The following ELN variants were observed in gnomAD, a reference collection of about 807,000 sequenced individuals.
The protein encoded by ELN is tropoelastin.
ELN carries 65 observed loss-of-function variants against 105.8 expected under a neutral mutation model. The ratio of observed to expected loss-of-function variants is 0.61; its 90% CI spans 0.50 to 0.75. The LOEUF (loss-of-function observed/expected upper bound fraction) is 0.75, where lower values mean the gene tolerates loss of function less well. Ranked by LOEUF, ELN falls within the 30% of genes least tolerant of loss-of-function variation. The probability of loss-of-function intolerance (pLI) is 0.00; values close to 1 mark genes in which losing one functional copy is unlikely to be tolerated. For missense variants in ELN, 882 were observed against 969.4 expected (o/e 0.91, Z 1.20); for synonymous variants, 368 against 389.2 (o/e 0.95, Z 0.64).
At chr7:74,037,868 G>A in intron 4 of ELN, 129 bp downstream of exon 4, 1 of 1,401,858 alleles carries the variant, frequency 7.1e-7, no homozygotes, top group African/African-American at 1.4e-5. Flanking sequence ...AGGAAGGAGG[G>A]AGGTGTGGAC....
chr7:74,035,305 T>C, intron 1 of ELN, 59 bp from the exon 2 acceptor site: 1 of 1,600,454 alleles, frequency 6.2e-7, no homozygotes, highest in East Asian at 2.2e-5. Flanking sequence ...CGCAGTTACT[T>C]TTGCACCAGC....
rs1554670362 is a variant in ELN, at chr7:74,043,879, G to T, written c.428G>T (p.Gly143Val). ...GAGVKPGKVP[G>V]VGLPGVYPGG... ...TAACTTTGCTTTCTTTTGGCCACAG[G>T]TGTGGGGCTGCCAGGTGTATACCCA... The change falls in exon 9 of 33, where the codon GGT becomes GTT. Residue 143 changes from glycine to valine, a missense_variant and splice_region_variant. Coordinates refer to ENST00000252034, the MANE Select transcript of ELN (RefSeq NM_000501.4). The T allele has an allele frequency of 2.5e-6, 4 of 1,614,104 alleles. 1 individual carries two copies. Among genetic ancestry groups the T allele is most frequent in the Middle Eastern group, 3.3e-4 (2 of 6,062 alleles).
chr7:74,042,819 C>T, intron 6 of ELN, 113 bp downstream of exon 6: 2 of 1,527,544 alleles, frequency 1.3e-6, no homozygotes, highest in South Asian at 1.2e-5. Context: ...GTGGGATTGT[C>T]AGTTGCAATC....
At chr7:74,056,979 T>C (rs1260956325) in intron 21 of ELN, among the ~76,000 whole-genome samples, 6 of 151,708 alleles carry the variant, frequency 4.0e-5, no homozygotes, top group African/African-American at 1.5e-4. Flanking sequence ...GGCTGATGCC[T>C]GTAATCCCAG....
At chr7:74,060,316 G>C (rs782191341) in intron 24 of ELN, 60 bp from the exon 25 acceptor site, 2 of 1,614,072 alleles carry the variant, frequency 1.2e-6, no homozygotes, top group Admixed American at 3.3e-5. Context: ...CCCTGGGCAG[G>C]ACACCTCCTT....
At chr7:74,064,449 T>A (rs1554687770) in intron 29 of ELN, among the ~76,000 whole-genome samples, 1 of 146,070 alleles carries the variant, frequency 6.8e-6, no homozygotes, top group Non-Finnish European at 1.5e-5. Flanking sequence ...TATATATGTA[T>A]GTATGTATGT....
At chr7:74,052,132 C>G in intron 17 of ELN, 149 bp downstream of exon 17, 1 of 852,234 alleles carries the variant, frequency 1.2e-6, no homozygotes, top group Non-Finnish European at 1.8e-6. Context: ...TCTGATCACT[C>G]TACCTGAGAT....
chr7:74,044,964 G>C (rs1158808449), intron 9 of ELN, among the ~76,000 whole-genome samples: 1 of 152,150 alleles, frequency 6.6e-6, no homozygotes, highest in Non-Finnish European at 1.5e-5. Context: ...ATTAACTCCA[G>C]CATAGAGATG....
chr7:74,060,413 T>G lies in ELN; in HGVS notation c.1659T>G (p.Leu553=). The G allele has an allele frequency of 6.2e-7, 1 of 1,614,046 alleles. No homozygotes were observed. The highest frequency in any genetic ancestry group is 8.5e-7 in the Non-Finnish European group (1 of 1,179,980). ...GGCTTGGTGCTGGCATCCCTGGACT[T>G]GGAGTTGGTGTCGGCGTCCCTGGAC... ...AAGLGAGIPG[L]GVGVGVPGLG... is the part of the protein sequence containing the mutation. Residue 553 remains leucine, a synonymous_variant, in exon 25 of 33, where the codon CTT becomes CTG. Transcript: ENST00000252034.
At chr7:74,033,752 G>A (rs148202606) in intron 1 of ELN, among the ~76,000 whole-genome samples, 5 of 152,318 alleles carry the variant, frequency 3.3e-5, no homozygotes, top group African/African-American at 7.2e-5. Flanking sequence ...GTCTGGCCGC[G>A]AGGCCTCCCT....
rs1554671404 is a variant in ELN at position 74,045,239 on chromosome 7, G to A, written c.487G>A (p.Val163Met). ...CCCGGCAGGAGCTCGGTTCCCCGGT[G>A]TGGGGGTGCTCCCTGGAGTTCCCAC... is the stretch of plus-strand genomic sequence containing the variant. The part of the protein sequence containing the change: ...GVLPGARFPG[V>M]GVLPGVPTGA... The change falls in exon 10 of 33, where the codon GTG becomes ATG. Residue 163 changes from valine (V) to methionine (M), a missense_variant. Physicochemically the swap from Val to Met is conservative, Grantham distance 21. Transcript: ENST00000252034. The A allele has an allele frequency of 1.2e-6, 2 of 1,614,164 alleles. No individual in the cohort carries two copies. Among genetic ancestry groups the A allele is most frequent in the Admixed American group, 1.7e-5 (1 of 60,030 alleles).
At position 74,068,933 on chromosome 7, in the gene ELN, C is replaced by T. The variant is rs1584079812; in HGVS notation, c.*233C>T. The T allele has an allele frequency of 2.1e-5, 12 of 584,436 alleles. No individual in the cohort carries two copies. The East Asian group carries it at 3.5e-4, about 17-fold the overall frequency. 36.2% of individuals were successfully genotyped at this position (584,436 alleles called of 1,614,324 possible). ...AGGCAAGGGCCATGTGGTCCTGGCC[C>T]CCCACCCCATCCCTTCCCACCTAGG... On this transcript the variant is annotated 3_prime_UTR_variant, in exon 33 of 33. Coordinates refer to ENST00000252034, the MANE Select transcript of ELN (RefSeq NM_000501.4).
In ELN at chr7:74,035,389, A is replaced by C. The variant is rs1243160467; in HGVS notation, c.108A>C (p.Gly36=). The change falls in exon 2 of 33, where the codon GGA becomes GGC. Residue 36 remains glycine, a synonymous_variant. Coordinates refer to ENST00000252034, the MANE Select transcript of ELN (RefSeq NM_000501.4). ...PGGVPGAIPG[G]VPGGVFYPGA... The stretch of plus-strand genomic sequence containing the variant: ...GGGTCCCTGGGGCCATTCCTGGTGG[A>C]GTTCCTGGAGGAGTCTTTTATCCAG... 1.2e-6 allele frequency: 2 copies of C among 1,614,110 alleles called. No homozygotes were observed. The highest frequency in any genetic ancestry group is 8.5e-7 in the Non-Finnish European group (1 of 1,180,006).
At chr7:74,043,743 G>A (rs367932101) in intron 8 of ELN, 136 bp from the exon 9 acceptor site, 8 of 1,144,388 alleles carry the variant, frequency 7.0e-6, no homozygotes, top group Admixed American at 5.9e-5. Context: ...GCCACCCCAC[G>A]TCTGTCCCTG....
intron 26 of ELN, among the ~76,000 whole-genome samples, chr7:74,061,796 C>T (rs1214702832): frequency 6.6e-6 from 1 of 152,138 alleles, no homozygotes; most frequent in African/African-American, 2.4e-5. Context: ...CCCAGTTGCC[C>T]CCCAGGAGGC....
rs1563852782 is a variant in ELN, at chr7:74,059,955, T to A, written c.1484T>A (p.Val495Asp). The A allele has an allele frequency of 6.2e-7, 1 of 1,610,464 alleles. No individual in the cohort carries two copies. The change falls in exon 23 of 33, where the codon GTT (valine) becomes GAT (aspartate). Residue 495 changes from valine to aspartate, a missense_variant. Physicochemically the swap from Val to Asp is radical, Grantham distance 152 (BLOSUM62 -3). Coordinates refer to ENST00000252034, the MANE Select transcript of ELN (RefSeq NM_000501.4). ...CCTGGTGTCGGTGTGGCTCCTGGAG[T>A]TGGCTTGGCTCCTGGAGTTGGCGTG... is the stretch of plus-strand genomic sequence containing the variant. ...VAPGVGVAPG[V>D]GLAPGVGVAP...
chr7:74,046,334 G>C, intron 11 of ELN, 117 bp downstream of exon 11: 1 of 1,456,156 alleles, frequency 6.9e-7, no homozygotes, highest in South Asian at 1.1e-5. Flanking sequence ...CACGCCTGCA[G>C]AGCCAGGTCT....
chr7:74,063,781 G>C lies in ELN; in HGVS notation c.1993+86G>C, dbSNP rs1003967152. 9.5e-6 allele frequency: 15 copies of C among 1,577,910 alleles called. No homozygotes were observed. The highest frequency in any genetic ancestry group is 3.3e-4 in the Middle Eastern group (2 of 5,994). ...GACAGAGACAGAGACAGAGACTTTC[G>C]TTCCCACCCCTGGCACGTCTTTGCT... On this transcript the variant is annotated intron_variant, in intron 29 of 32. Coordinates refer to ENST00000252034, the MANE Select transcript of ELN (RefSeq NM_000501.4). The surrounding 1 kb of genome is among the most constrained non-coding windows in gnomAD (Gnocchi z 4.1).
In ELN at chr7:74,056,288, G is replaced by A. The variant is rs372889752; in HGVS notation, c.1168G>A (p.Gly390Arg). Reference sequence around the variant, plus strand: ...CTCTGCAGGGGCCAGGCCCGGAGTCGGAGTTGGAGGCATTCCTACTTACGG... The same window carrying A: ...CTCTGCAGGGGCCAGGCCCGGAGTCAGAGTTGGAGGCATTCCTACTTACGG... The part of the protein sequence containing the change: ...AAKYGARPGV[G>R]VGGIPTYGVG... The change falls in exon 20 of 33, where the codon GGA (glycine) becomes AGA (arginine). Residue 390 changes from glycine (G) to arginine (R), a missense_variant. By Grantham distance (125) the Gly-to-Arg change is moderately radical. Transcript: ENST00000252034. 3.0e-5 allele frequency: 49 copies of A among 1,614,030 alleles called. No homozygotes were observed. The highest frequency in any genetic ancestry group is 1.5e-4 in the Admixed American group (9 of 60,000).
Sources: allele counts gnomAD v4.1 joint callset (sites outside exome capture counted in the v4.1 genomes callset), GRCh38; gene constraint gnomAD v4.1.1; non-coding constraint Gnocchi (gnomAD v3.1); transcripts MANE v1.5; gene names NCBI Gene and HGNC (gene_info 2026-07-23, HGNC 2026-07-21).